Variants in DECR1 observed in about 807,000 individuals in gnomAD.
DECR1 encodes 2,4-dienoyl-CoA reductase [(3E)-enoyl-CoA-producing], mitochondrial.
Under a neutral mutation model 38.8 loss-of-function variants are expected in DECR1, and 44 were observed. That is an observed-to-expected ratio of 1.13 (90% confidence interval 0.89 to 1.46). The LOEUF (loss-of-function observed/expected upper bound fraction) is 1.46. DECR1 is among the 40% of genes most tolerant of loss of function. The pLI is 0.00. For synonymous variants in DECR1, 148 were observed against 135.2 expected (o/e 1.09, Z -0.66); for missense variants, 428 against 405.5 (o/e 1.06, Z -0.48).
Position 90,022,753 on chromosome 8 carries a change from T to A in DECR1, c.565+1697T>A, listed in dbSNP as rs13254495. On this transcript the variant is annotated intron_variant, in intron 5 of 9. Transcript: ENST00000220764. ...CTCTTCATCTGTCTCTTTCGTTTCT[T>A]TGTCCTTCTTTGCCTCTTTGTCTCT... Among the ~76,000 whole-genome samples the A allele has an allele frequency of 3.1e-3, 472 of 152,234 alleles. 2 individuals are homozygous for A. The highest frequency in any genetic ancestry group is 5.2e-3 in the Non-Finnish European group (351 of 68,012).
chr8:90,020,491 C>T (rs1425800595), intron 4 of DECR1, among the ~76,000 whole-genome samples: 1 of 152,078 alleles, frequency 6.6e-6, no homozygotes, highest in Non-Finnish European at 1.5e-5. Context: ...TGGGTTCAAG[C>T]GATACTCCCA....
chr8:90,046,643 C>T (rs1264985934), intron 8 of DECR1, among the ~76,000 whole-genome samples: 1 of 152,156 alleles, frequency 6.6e-6, no homozygotes, highest in African/African-American at 2.4e-5. Flanking sequence ...ATTTCCCCAA[C>T]CTACCAACGC....
intron 6 of DECR1, among the ~76,000 whole-genome samples, chr8:90,038,463 T>TC (rs1563649327): frequency 6.7e-6 from 1 of 149,572 alleles, no homozygotes; most frequent in African/African-American, 2.5e-5. Flanking sequence ...CCTTTTTTTT[T>TC]TTTTTTTTTT....
In DECR1 at chr8:90,042,722, T is replaced by G. The variant is rs779650154; in HGVS notation, c.666-6T>G. The stretch of plus-strand genomic sequence containing the variant: ...CAGAATGTATGTTGTTGATTTTAAT[T>G]TTTAGGTCTCTTGCAGCTGAATGGG... On this transcript the variant is annotated splice_polypyrimidine_tract_variant and splice_region_variant and intron_variant, in intron 6 of 9. Coordinates refer to ENST00000220764, the MANE Select transcript of DECR1 (RefSeq NM_001359.2). 12 of 1,612,568 alleles carry G rather than the reference T, an allele frequency of 7.4e-6. No individual in the cohort carries two copies. The highest frequency in any genetic ancestry group is 1.0e-5 in the Non-Finnish European group (12 of 1,178,920).
At chr8:90,014,839 T>G (rs1288959404) in intron 1 of DECR1, among the ~76,000 whole-genome samples, 1 of 152,168 alleles carries the variant, frequency 6.6e-6, no homozygotes, top group Non-Finnish European at 1.5e-5. Context: ...GTGAACTTCT[T>G]GATTCATCAT....
chr8:90,019,034 C>A, intron 3 of DECR1, 52 bp from the exon 4 acceptor site: 1 of 1,588,030 alleles, frequency 6.3e-7, no homozygotes, highest in East Asian at 2.2e-5. Flanking sequence ...TTTGTTCATG[C>A]GTTTGGTTTA....
chr8:90,011,850 T>G (rs183478066), intron 1 of DECR1, among the ~76,000 whole-genome samples: 1 of 152,196 alleles, frequency 6.6e-6, no homozygotes, highest in South Asian at 2.1e-4. Flanking sequence ...AGTATTTGTA[T>G]CTAACATTTA....
intron 5 of DECR1, among the ~76,000 whole-genome samples, chr8:90,030,235 C>T (rs1375485436): frequency 1.3e-5 from 2 of 152,128 alleles, no homozygotes; most frequent in Non-Finnish European, 2.9e-5. Context: ...CTGCTCACTT[C>T]TTGCTGTGTG....
intron 6 of DECR1, 120 bp from the exon 7 acceptor site, chr8:90,042,607 TA>T (rs1554576775): frequency 1.3e-6 from 1 of 787,882 alleles, no homozygotes; most frequent in Non-Finnish European, 2.2e-6. Flanking sequence ...ACAATAATAG[TA>T]CCTACCTGTT....
intron 1 of DECR1, 49 bp downstream of exon 1, chr8:90,001,610 CAAAG>C (rs1563607681): frequency 2.6e-6 from 4 of 1,554,804 alleles, no homozygotes; most frequent in African/African-American, 1.4e-5. Context: ...TCTCGACGCG[CAAAG>C]AGAGAGGACA....
intron 5 of DECR1, among the ~76,000 whole-genome samples, chr8:90,021,332 G>T (rs1358222598): frequency 6.6e-6 from 1 of 152,180 alleles, no homozygotes; most frequent in African/African-American, 2.4e-5. Flanking sequence ...TAAGCTGAAA[G>T]TTCAAAGATC....
intron 4 of DECR1, 83 bp from the exon 5 acceptor site, chr8:90,020,826 A>G: frequency 9.1e-7 from 1 of 1,099,498 alleles, no homozygotes; most frequent in South Asian, 1.9e-5. Context: ...TATTTCTATT[A>G]ATACATTTCA....
chr8:90,004,777 C>A (rs1812701028), intron 1 of DECR1, among the ~76,000 whole-genome samples: 2 of 152,134 alleles, frequency 1.3e-5, no homozygotes, highest in South Asian at 4.1e-4. Context: ...CAGTGCTTAG[C>A]ATAGAGTAAA....
At chr8:90,022,925 A>G (rs1001683844) in intron 5 of DECR1, among the ~76,000 whole-genome samples, 1 of 152,180 alleles carries the variant, frequency 6.6e-6, no homozygotes, top group African/African-American at 2.4e-5. Context: ...CATTAAAAAT[A>G]TATTAGATAA....
rs1238154347 is a variant in DECR1 at position 90,052,127 on chromosome 8, A to C, written c.*230A>C. Reference sequence around the variant, plus strand: ...AAAAGGAGGCATGGGGAGAGTAGGTAAAGGCTCCTCTTTACCTATTGATAG... The same window carrying C: ...AAAAGGAGGCATGGGGAGAGTAGGTCAAGGCTCCTCTTTACCTATTGATAG... On this transcript the variant is annotated 3_prime_UTR_variant, in exon 10 of 10. Coordinates refer to ENST00000220764, the MANE Select transcript of DECR1 (RefSeq NM_001359.2). 2.0e-6 allele frequency: 1 copy of C among 493,632 alleles called. No individual in the cohort carries two copies. Among genetic ancestry groups the C allele is most frequent in the African/African-American group, 2.0e-5 (1 of 50,502 alleles). The allele number at this position is 493,632 out of a possible 1,614,324, so 30.6% of individuals were successfully genotyped here.
At position 90,045,321 on chromosome 8, in the gene DECR1, C is replaced by G. The variant is rs1383791127; in HGVS notation, c.885+326C>G. ...AGATGGTACCTGGAAAATCAGGACACTCCCACCCTAATACTGCACTTTTCC... is the reference window on the plus strand; with the variant it reads ...AGATGGTACCTGGAAAATCAGGACAGTCCCACCCTAATACTGCACTTTTCC... On this transcript the variant is annotated intron_variant, in intron 8 of 9. Coordinates refer to ENST00000220764, the MANE Select transcript of DECR1 (RefSeq NM_001359.2). Among the ~76,000 whole-genome samples the G allele has an allele frequency of 3.9e-5, 6 of 152,188 alleles. No individual in the cohort carries two copies. In the East Asian group the frequency reaches 1.2e-3, roughly 29 times the overall value.
intron 5 of DECR1, among the ~76,000 whole-genome samples, chr8:90,032,444 C>T (rs7845572): frequency 0.043 from 6,501 of 152,150 alleles, 281 homozygotes; most frequent in East Asian, 0.19. Flanking sequence ...TAAGAGTTCA[C>T]GTGATTAGAC....
At chr8:90,010,225 AG>A (rs1344830756) in intron 1 of DECR1, among the ~76,000 whole-genome samples, 2 of 152,224 alleles carry the variant, frequency 1.3e-5, no homozygotes, top group Admixed American at 1.3e-4. Flanking sequence ...ATGGAGCATG[AG>A]TTAACGAGGC....
intron 8 of DECR1, among the ~76,000 whole-genome samples, chr8:90,045,392 G>T (rs13253573): frequency 0.028 from 4,233 of 152,158 alleles, 106 homozygotes; most frequent in South Asian, 0.068. Context: ...TCCCGCGCAT[G>T]GCTCAGAGGG....
Sources: gnomAD v4.1 joint callset for allele counts (sites outside exome capture counted in the v4.1 genomes callset) on GRCh38, gnomAD v4.1.1 for gene constraint, MANE v1.5 for transcripts, NCBI Gene and HGNC (gene_info 2026-07-23, HGNC 2026-07-21) for gene names.